Variants in HTT observed in about 807,000 individuals in gnomAD.
The protein encoded by HTT is huntingtin, also known as huntington disease protein.
Under a neutral mutation model 362.3 loss-of-function variants are expected in HTT, and 104 were observed. The observed-to-expected ratio is 0.29, with a 90% CI of 0.24 to 0.34. The LOEUF is 0.34. HTT is among the 10% of genes least tolerant of loss of function. The pLI, the probability that HTT is intolerant of heterozygous loss-of-function variation, is 1.00. For missense variants in HTT, 3,301 were observed against 3,928.6 expected (o/e 0.84, Z 4.27); for synonymous variants, 1,577 against 1,548.7 (o/e 1.02, Z -0.43).
chr4:3,158,553 A>G (rs1432076138), intron 28 of HTT, among the ~76,000 whole-genome samples: 4 of 152,314 alleles, frequency 2.6e-5, no homozygotes, highest in African/African-American at 7.2e-5. Flanking sequence ...AAAAAAACTT[A>G]AAGATTATTT....
At chr4:3,205,735 T>C (rs1377267991) in intron 42 of HTT, among the ~76,000 whole-genome samples, 2 of 152,158 alleles carry the variant, frequency 1.3e-5, no homozygotes, top group Non-Finnish European at 2.9e-5. Context: ...AAAAAAATCC[T>C]AAATTCAGAA....
chr4:3,094,503 G>GC (rs1240644721), intron 2 of HTT, among the ~76,000 whole-genome samples: 5 of 151,200 alleles, frequency 3.3e-5, no homozygotes, highest in Non-Finnish European at 5.9e-5. Flanking sequence ...GGGCAGAGGC[G>GC]CCCCCCAACC....
chr4:3,166,547 G>A (rs1717716664), intron 29 of HTT, among the ~76,000 whole-genome samples: 1 of 152,236 alleles, frequency 6.6e-6, no homozygotes, highest in Non-Finnish European at 1.5e-5. Context: ...AGAGGCAGTA[G>A]GCCTTGCTGA....
At position 3,222,493 on chromosome 4, in the gene HTT, G is replaced by A. The variant is rs878995104; in HGVS notation, c.7470+6G>A. 2 of 1,610,918 alleles carry A rather than the reference G, an allele frequency of 1.2e-6. No individual in the cohort carries two copies. Among genetic ancestry groups the A allele is most frequent in the Non-Finnish European group, 1.7e-6 (2 of 1,177,426 alleles). ...AGGAGGAGAGCCCACCAGAAGTAAG[G>A]CCACACCCTGTGCTGGTTGGCACAT... is the stretch of plus-strand genomic sequence containing the variant. On this transcript the variant is annotated splice_donor_region_variant and intron_variant, in intron 54 of 66. Transcript: ENST00000355072.
intron 2 of HTT, among the ~76,000 whole-genome samples, chr4:3,094,313 T>G (rs971311820): frequency 1.8e-4 from 27 of 152,372 alleles, no homozygotes; most frequent in Middle Eastern, 6.8e-3. Flanking sequence ...CTATGTCTAC[T>G]TCTTTCTACG....
intron 29 of HTT, among the ~76,000 whole-genome samples, chr4:3,165,615 C>T (rs1717662686): frequency 6.6e-6 from 1 of 152,004 alleles, no homozygotes; most frequent in African/African-American, 2.4e-5. Context: ...CATTTCTTTT[C>T]ACTCTTTTTT....
intron 23 of HTT, among the ~76,000 whole-genome samples, chr4:3,144,551 C>T (rs1716509413): frequency 6.6e-6 from 1 of 152,132 alleles, no homozygotes; most frequent in Non-Finnish European, 1.5e-5. Context: ...CTCCTGACCT[C>T]GTGATCCACC....
At chr4:3,198,503 G>T (rs1285479798) in intron 40 of HTT, among the ~76,000 whole-genome samples, 1 of 152,160 alleles carries the variant, frequency 6.6e-6, no homozygotes, top group Non-Finnish European at 1.5e-5. Flanking sequence ...GTGATTATAG[G>T]CGTGAGCCAC....
At chr4:3,210,904 C>CTTTTT (rs780304223) in intron 47 of HTT, among the ~76,000 whole-genome samples, 2 of 122,708 alleles carry the variant, frequency 1.6e-5, no homozygotes, top group East Asian at 4.8e-4. Context: ...AATTGTTTAT[C>CTTTTT]TTTTTTTTTT....
rs138423062 is a variant in HTT at position 3,115,300 on chromosome 4, G to A, written c.748-4G>A. ...TTTATCTACTTGGACTTTTGCTTCC[G>A]TAGGTTTTGTTAAAGGCCTTCATAG... On this transcript the variant is annotated splice_polypyrimidine_tract_variant and splice_region_variant and intron_variant, in intron 6 of 66. Coordinates refer to ENST00000355072, the MANE Select transcript of HTT (RefSeq NM_001388492.1). The A allele has an allele frequency of 6.1e-5, 99 of 1,612,774 alleles. No homozygotes were observed. The highest frequency in any genetic ancestry group is 6.1e-4 in the African/African-American group (46 of 74,954).
At chr4:3,093,860 C>CT (rs1179450975) in intron 2 of HTT, among the ~76,000 whole-genome samples, 8,343 of 73,270 alleles carry the variant, frequency 0.11, 613 homozygotes, top group African/African-American at 0.23. Flanking sequence ...CTGCCAATTC[C>CT]TTTTTTTTTT....
chr4:3,207,396 A>G (rs1282861069), intron 45 of HTT, 39 bp downstream of exon 45: 22 of 1,479,858 alleles, frequency 1.5e-5, no homozygotes, highest in Non-Finnish European at 2.1e-5. Flanking sequence ...TGTTAGGACA[A>G]CCCAGGATAT....
Position 3,229,392 on chromosome 4 carries a change from C to A in HTT, c.8109+383C>A, listed in dbSNP as rs191135316. On this transcript the variant is annotated intron_variant, in intron 59 of 66. Coordinates refer to ENST00000355072, the MANE Select transcript of HTT (RefSeq NM_001388492.1). ...CACACACATGCCACGTGCACACACC[C>A]CACACACCACATGTATGTGCCACAC... Among the ~76,000 whole-genome samples the A allele has an allele frequency of 4.3e-3, 628 of 146,576 alleles. 9 individuals carry two copies. Among genetic ancestry groups the A allele is most frequent in the Admixed American group, 0.026 (385 of 14,800 alleles).
At chr4:3,114,564 A>C (rs1294818636) in intron 6 of HTT, among the ~76,000 whole-genome samples, 2 of 152,250 alleles carry the variant, frequency 1.3e-5, no homozygotes, top group East Asian at 3.8e-4. Flanking sequence ...CCCGACTCAT[A>C]GTGCTTGCTC....
rs780943045 is a variant in HTT, at chr4:3,146,789, G to A, written c.3144-8G>A. On this transcript the variant is annotated splice_region_variant and splice_polypyrimidine_tract_variant and intron_variant, in intron 24 of 66. Coordinates refer to ENST00000355072, the MANE Select transcript of HTT (RefSeq NM_001388492.1). ...CTATAATTTGACTTTGCAAATGTCT[G>A]CTTCCAGAGTGCCTCCACTGAGTGC... is the stretch of plus-strand genomic sequence containing the variant. The A allele has an allele frequency of 1.2e-6, 2 of 1,612,506 alleles. No homozygotes were observed. Among genetic ancestry groups the A allele is most frequent in the East Asian group, 4.5e-5 (2 of 44,862 alleles).
At position 3,146,869 on chromosome 4, in the gene HTT, C is replaced by T; in HGVS notation, c.3216C>T (p.Thr1072=). ...CTVGMATMIL[T]LLSSAWFPLD... ...TTGGGATGGCCACAATGATTCTGAC[C>T]CTGCTCTCGTCAGCTTGGTTCCCAT... is the stretch of plus-strand genomic sequence containing the variant. The change falls in exon 25 of 67, where the codon ACC becomes ACT. Residue 1072 remains threonine, a synonymous_variant. Coordinates refer to ENST00000355072, the MANE Select transcript of HTT (RefSeq NM_001388492.1). 6.2e-7 allele frequency: 1 copy of T among 1,614,028 alleles called. No individual in the cohort carries two copies. Among genetic ancestry groups the T allele is most frequent in the South Asian group, 1.1e-5 (1 of 91,076 alleles).
chr4:3,155,750 AAG>A (rs1717111075), intron 27 of HTT, among the ~76,000 whole-genome samples: 1 of 148,404 alleles, frequency 6.7e-6, no homozygotes, highest in African/African-American at 2.5e-5. Context: ...AAAAAAAAAA[AAG>A]CCGGGCATGG....
In HTT at chr4:3,212,667, G is replaced by C. The variant is rs765139100; in HGVS notation, c.6732G>C (p.Glu2244Asp). The change falls in exon 49 of 67, where the codon GAG (glutamate) becomes GAC (aspartate). Residue 2244 changes from glutamate (E) to aspartate (D), a missense_variant. Glu to Asp is a conservative substitution (Grantham distance 45). Around this residue, in one of 4 missense-constraint regions of HTT, gnomAD observed 220 missense variants for 218.5 expected, o/e 1.01. Coordinates refer to ENST00000355072, the MANE Select transcript of HTT (RefSeq NM_001388492.1). ...KLPSHLHLPP[E>D]KEKDIVKFVV... Reference sequence around the variant, plus strand: ...CCAGTCATTTGCACCTTCCTCCTGAGAAAGAGAAGGACATTGTGAAATTCG... The same window carrying C: ...CCAGTCATTTGCACCTTCCTCCTGACAAAGAGAAGGACATTGTGAAATTCG... The C allele has an allele frequency of 3.1e-6, 5 of 1,614,240 alleles. No individual in the cohort carries two copies. Among genetic ancestry groups the C allele is most frequent in the Admixed American group, 1.7e-5 (1 of 60,026 alleles).
At chr4:3,147,564 A>T (rs3025844) in intron 25 of HTT, among the ~76,000 whole-genome samples, 1,804 of 152,344 alleles carry the variant, frequency 0.012, 43 homozygotes, top group African/African-American at 0.041. Flanking sequence ...AAAGGGACTA[A>T]AAGATGAGTA....
Sources: allele counts gnomAD v4.1 joint callset (sites outside exome capture counted in the v4.1 genomes callset), GRCh38; gene constraint gnomAD v4.1.1; regional missense constraint gnomAD v4.1.1; transcripts MANE v1.5; gene names NCBI Gene and HGNC (gene_info 2026-07-23, HGNC 2026-07-21).